The following AMOT variants were observed in gnomAD, a reference collection of about 807,000 sequenced individuals.
The protein encoded by AMOT is angiomotin.
In AMOT, 11 loss-of-function variants were observed where a neutral mutation model predicts 67.0. The observed-to-expected ratio is 0.16, with a 90% CI of 0.10 to 0.27. The LOEUF (loss-of-function observed/expected upper bound fraction) is 0.27, where lower values mean the gene tolerates loss of function less well. Ranked by LOEUF, AMOT falls within the 10% of genes least tolerant of loss-of-function variation. The probability of loss-of-function intolerance (pLI) is 1.00; values close to 1 mark genes in which losing one functional copy is unlikely to be tolerated. For synonymous variants in AMOT, 326 were observed against 321.4 expected, an observed-to-expected ratio of 1.01 and a Z score of -0.15; for missense variants, 753 against 852.0, an observed-to-expected ratio of 0.88 and a Z score of 1.45.
At position 112,779,323 on chromosome X, in the gene AMOT, G is replaced by A; in HGVS notation, c.2831C>T (p.Ala944Val). ...ATAAAVSPAAAGQIPAAASVA... is the reference protein window; with the variant it reads ...ATAAAVSPAAVGQIPAAASVA... ...AGAGGCAGCAGCTGGAATCTGACCA[G>A]CAGCAGCTGGAGAAACAGCAGCAGC... The change falls in exon 13 of 14, where the codon GCT becomes GTT. Residue 944 changes from alanine (A) to valine (V), a missense_variant. Physicochemically the swap from Ala to Val is moderately conservative, Grantham distance 64. Transcript: ENST00000371959. The A allele has an allele frequency of 1.3e-6, 1 of 772,052 alleles. No individual in the cohort carries two copies. The highest frequency in any genetic ancestry group is 2.0e-6 in the Non-Finnish European group (1 of 511,832). 63.6% of individuals were successfully genotyped at this position (772,052 alleles called of 1,213,427 possible).
rs749110842 is a variant in AMOT, at chrX:112,779,248, A to ACAGCAG, written c.2900_2905dup (p.Ala967_Ala968dup). On this transcript the variant is annotated inframe_insertion, in exon 13 of 14. Transcript: ENST00000371959. ...AGCCGGAGCAGCTGGAGCAACCTGA[A>ACAGCAG]CAGCAGCAGCAGCAGCAGCAGAAGG... 3 of 651,666 alleles carry ACAGCAG rather than the reference A, an allele frequency of 4.6e-6. No homozygotes were observed. Among genetic ancestry groups the ACAGCAG allele is most frequent in the East Asian group, 3.3e-5 (1 of 30,619 alleles). The allele number at this position is 651,666 out of a possible 1,213,427, so 53.7% of individuals were successfully genotyped here.
At chrX:112,833,192 C>A (rs1038589061) in intron 1 of AMOT, among the ~76,000 whole-genome samples, 5 of 111,826 alleles carry the variant, frequency 4.5e-5, no homozygotes, top group African/African-American at 1.6e-4. Context: ...AGGGCCACAA[C>A]TGGCCCATAT....
rs1935012175 is a variant in AMOT at position 112,832,375 on chromosome X, G to A, written c.-288-5C>T. ...TATTTGTCCTTCTTAGCAGCTCTGT[G>A]GGGAAATAAAGGCAGATGTGATTAA... On this transcript the variant is annotated splice_region_variant and splice_polypyrimidine_tract_variant and intron_variant, in intron 1 of 13. Transcript: ENST00000371959. The A allele has an allele frequency of 8.9e-6, 1 of 111,814 alleles. No individual in the cohort carries two copies. The highest frequency in any genetic ancestry group is 3.3e-5 in the African/African-American group (1 of 30,706). 9.2% of individuals were successfully genotyped at this position (111,814 alleles called of 1,213,427 possible).
chrX:112,781,118 C>T lies in AMOT; in HGVS notation c.2241G>A (p.Arg747=). ...TAATCTGGGCATGGAGGGTCTTAAT[C>T]CTAGGAGCCAAAGGCAAAGAACATA... ...ANKRCLDMEG[R]IKTLHAQIIE... The change falls in exon 12 of 14, where the codon AGG becomes AGA. Residue 747 remains arginine (R), a splice_region_variant and synonymous_variant. Transcript: ENST00000371959. 1.7e-6 allele frequency: 2 copies of T among 1,207,456 alleles called. No homozygotes were observed. Among genetic ancestry groups the T allele is most frequent in the Non-Finnish European group, 2.2e-6 (2 of 891,796 alleles).
intron 5 of AMOT, 71 bp downstream of exon 5, chrX:112,815,287 T>C (rs1054245724): frequency 1.8e-6 from 2 of 1,115,207 alleles, no homozygotes; most frequent in African/African-American, 3.7e-5. Context: ...CTGGAGACTT[T>C]AATGTGGATA....
intron 11 of AMOT, 56 bp downstream of exon 11, chrX:112,782,484 T>C: frequency 8.3e-7 from 1 of 1,202,135 alleles, no homozygotes; most frequent in Non-Finnish European, 1.1e-6. Context: ...ATAAAGATCC[T>C]ATGTGGTCTC....
chrX:112,797,347 T>G (rs1459241389), intron 8 of AMOT, among the ~76,000 whole-genome samples: 1 of 111,522 alleles, frequency 9.0e-6, no homozygotes, highest in Non-Finnish European at 1.9e-5. Context: ...ACCTAACAGA[T>G]CTTACTTTCA....
At chrX:112,821,566 T>C (rs1293808940) in intron 4 of AMOT, among the ~76,000 whole-genome samples, 2 of 111,742 alleles carry the variant, frequency 1.8e-5, no homozygotes, top group African/African-American at 6.5e-5. Flanking sequence ...TTTTAGCATC[T>C]GACCAAAATT....
intron 8 of AMOT, among the ~76,000 whole-genome samples, chrX:112,796,745 A>G (rs2051744815): frequency 9.0e-6 from 1 of 111,400 alleles, no homozygotes; most frequent in Admixed American, 9.5e-5. Context: ...CTTTATATCA[A>G]TGGTTCTCAA....
At chrX:112,809,014 G>A (rs1255362163) in intron 7 of AMOT, among the ~76,000 whole-genome samples, 2 of 111,884 alleles carry the variant, frequency 1.8e-5, no homozygotes, top group Non-Finnish European at 3.8e-5. Context: ...GAAGCTGCAT[G>A]GAATGAGCTG....
intron 8 of AMOT, 22 bp downstream of exon 8, chrX:112,804,925 A>G: frequency 8.3e-7 from 1 of 1,200,650 alleles, no homozygotes; most frequent in Non-Finnish European, 1.1e-6. Flanking sequence ...CCAGGCTCAT[A>G]TGCTACCTGA....
In AMOT at chrX:112,782,616, C is replaced by T. The variant is rs1398045198; in HGVS notation, c.2164G>A (p.Ala722Thr). 8.3e-7 allele frequency: 1 copy of T among 1,211,072 alleles called. No homozygotes were observed. Among genetic ancestry groups the T allele is most frequent in the South Asian group, 1.8e-5 (1 of 56,915 alleles). ...SHSPNTSYDT[A>T]LEARIQKEEE... ...TCTTTCTGGATGCGAGCTTCTAGAGCTGTGTCATAGCTGGTGTTAGGAGAG... is the reference window on the plus strand; with the variant it reads ...TCTTTCTGGATGCGAGCTTCTAGAGTTGTGTCATAGCTGGTGTTAGGAGAG... Residue 722 changes from alanine (A) to threonine (T), a missense_variant, in exon 11 of 14, where the codon GCT becomes ACT. Ala to Thr is a moderately conservative substitution (Grantham distance 58). This residue lies in a region of AMOT where 269 missense variants were observed against 300.9 expected (regional missense o/e 0.89). Coordinates refer to ENST00000371959, the MANE Select transcript of AMOT (RefSeq NM_001113490.2).
At chrX:112,807,627 T>C (rs1569399257) in intron 7 of AMOT, among the ~76,000 whole-genome samples, 1 of 111,733 alleles carries the variant, frequency 8.9e-6, no homozygotes. Context: ...TCAACAATGC[T>C]AGATGGTAAA....
At chrX:112,791,101 C>T (rs1215390063) in intron 9 of AMOT, among the ~76,000 whole-genome samples, 7 of 110,666 alleles carry the variant, frequency 6.3e-5, no homozygotes, top group African/African-American at 2.0e-4. Context: ...AAAATCTGGC[C>T]GGGCATGGTG....
In AMOT at chrX:112,788,279, A is replaced by G. The variant is rs781254800; in HGVS notation, c.2117+2313T>C. On this transcript the variant is annotated intron_variant, in intron 10 of 13. Coordinates refer to ENST00000371959, the MANE Select transcript of AMOT (RefSeq NM_001113490.2). ...ACTCCAGCCTGGGCAACAGAGCGAG[A>G]CTCCTTCTCAAAAAAAAAAAAAAAT... Among the ~76,000 whole-genome samples the G allele has an allele frequency of 3.9e-5, 4 of 101,862 alleles. No homozygotes were observed. The South Asian group carries it at 1.8e-3, about 46-fold the overall frequency. The allele number at this position is 101,862 out of a possible 115,157, so 88.5% of individuals were successfully genotyped here.
chrX:112,806,322 C>T (rs1324688698), intron 7 of AMOT, among the ~76,000 whole-genome samples: 3 of 100,254 alleles, frequency 3.0e-5, no homozygotes, highest in South Asian at 5.0e-4. Context: ...TACACACACA[C>T]GTTTTATACA....
intron 7 of AMOT, among the ~76,000 whole-genome samples, chrX:112,806,859 C>T (rs951565877): frequency 9.0e-6 from 1 of 111,711 alleles, no homozygotes; most frequent in African/African-American, 3.3e-5. Context: ...CGAAGTAATT[C>T]TCACTCTTCC....
intron 4 of AMOT, among the ~76,000 whole-genome samples, chrX:112,818,258 TCAAA>T (rs980919624): frequency 3.6e-5 from 4 of 110,772 alleles, no homozygotes; most frequent in Non-Finnish European, 7.6e-5. Context: ...GGCCTCTCTC[TCAAA>T]CAAACTCAGC....
At chrX:112,784,604 G>C (rs763625914) in intron 10 of AMOT, among the ~76,000 whole-genome samples, 1 of 111,934 alleles carries the variant, frequency 8.9e-6, no homozygotes, top group East Asian at 2.8e-4. Context: ...AAAAAGAGAA[G>C]GAGGGAAAGA....
Sources: gnomAD v4.1 joint callset for allele counts (sites outside exome capture counted in the v4.1 genomes callset) on GRCh38, gnomAD v4.1.1 for gene constraint, gnomAD v4.1.1 regional missense constraint, MANE v1.5 for transcripts, NCBI Gene and HGNC (gene_info 2026-07-23, HGNC 2026-07-21) for gene names.